The following MAP3K15 variants were observed in gnomAD, a reference collection of about 807,000 sequenced individuals.
MAP3K15 encodes the protein mitogen-activated protein kinase kinase kinase 15.
In MAP3K15, 124 loss-of-function variants were observed where a neutral mutation model predicts 99.5. The observed-to-expected ratio is 1.25, with a 90% CI of 1.08 to 1.45. MAP3K15 has a LOEUF of 1.45. Among genes scored for constraint, MAP3K15 ranks in the 40% most tolerant of loss-of-function variants. The pLI, the probability that MAP3K15 is intolerant of heterozygous loss-of-function variation, is 0.00. For missense variants in MAP3K15, 1,242 were observed against 1,079.7 expected, an observed-to-expected ratio of 1.15 and a Z score of -2.11; for synonymous variants, 494 against 439.6, an observed-to-expected ratio of 1.12 and a Z score of -1.55.
intron 9 of MAP3K15, among the ~76,000 whole-genome samples, chrX:19,422,417 GAC>G (rs1291277981): frequency 1.8e-5 from 2 of 111,789 alleles, no homozygotes; most frequent in African/African-American, 6.5e-5. Context: ...GCAGCCAAAA[GAC>G]ACATGAAAAA....
chrX:19,469,163 C>G, intron 3 of MAP3K15, among the ~76,000 whole-genome samples: 1 of 111,499 alleles, frequency 9.0e-6, no homozygotes, highest in Non-Finnish European at 1.9e-5. Flanking sequence ...TACAAGGCTA[C>G]GGTAACCAAA....
chrX:19,362,595 T>A, intron 26 of MAP3K15, 143 bp downstream of exon 26: 5 of 437,285 alleles, frequency 1.1e-5, no homozygotes, highest in Non-Finnish European at 1.6e-5. Context: ...GTTGAATCTA[T>A]CAGTAGTCCC....
At chrX:19,414,470 A>T (rs1399562847) in intron 10 of MAP3K15, 1 of 139,304 alleles carries the variant, frequency 7.2e-6, no homozygotes, top group Non-Finnish European at 1.3e-5. Flanking sequence ...TAAATATGGA[A>T]CACAATTATC....
At chrX:19,369,310 C>T (rs2063358005) in intron 24 of MAP3K15, 91 bp from the exon 25 acceptor site, 14 of 1,022,546 alleles carry the variant, frequency 1.4e-5, no homozygotes, top group Admixed American at 2.3e-5. Flanking sequence ...CCGGGCTGTT[C>T]AGAAGCTGGC....
At chrX:19,428,385 C>G (rs964152950) in intron 7 of MAP3K15, among the ~76,000 whole-genome samples, 4 of 111,925 alleles carry the variant, frequency 3.6e-5, no homozygotes, top group Non-Finnish European at 7.5e-5. Context: ...AGTGGGAACA[C>G]AGTTTTCTGT....
intron 3 of MAP3K15, among the ~76,000 whole-genome samples, chrX:19,470,385 A>G (rs1038301667): frequency 2.7e-5 from 3 of 110,297 alleles, no homozygotes; most frequent in Non-Finnish European, 5.7e-5. Flanking sequence ...GGAACATCAC[A>G]CACCGGAGAA....
At chrX:19,447,840 C>T (rs1336193988) in intron 6 of MAP3K15, among the ~76,000 whole-genome samples, 3 of 80,366 alleles carry the variant, frequency 3.7e-5, no homozygotes, top group Non-Finnish European at 4.9e-5. Flanking sequence ...GCCGAGATCC[C>T]GCCACTGCAC....
At chrX:19,396,983 T>A (rs2063572003) in intron 15 of MAP3K15, among the ~76,000 whole-genome samples, 1 of 108,366 alleles carries the variant, frequency 9.2e-6, no homozygotes, top group African/African-American at 3.4e-5. Flanking sequence ...CACTGTAGCC[T>A]CTGCCTCCGG....
intron 6 of MAP3K15, among the ~76,000 whole-genome samples, chrX:19,433,926 C>T (rs1275522628): frequency 9.0e-6 from 1 of 111,102 alleles, no homozygotes; most frequent in East Asian, 2.8e-4. Context: ...TTTGCAACAA[C>T]CAGACTACAG....
rs760488691 is a variant in MAP3K15 at position 19,464,289 on chromosome X, T to C, written c.643A>G (p.Asn215Asp). ...ASEYMQPNWD[N>D]ILGPLCMPLV... Reference sequence around the variant, plus strand: ...GGCATGCACAGCGGGCCCAGGATGTTGTCCCAGTTGGGCTGCATGTACTCG... The same window carrying C: ...GGCATGCACAGCGGGCCCAGGATGTCGTCCCAGTTGGGCTGCATGTACTCG... Residue 215 changes from asparagine to aspartate, a missense_variant, in exon 4 of 29, where the codon AAC becomes GAC. By Grantham distance (23) the Asn-to-Asp change is conservative. Transcript: ENST00000338883. The C allele has an allele frequency of 1.7e-6, 2 of 1,200,283 alleles. No homozygotes were observed. Among genetic ancestry groups the C allele is most frequent in the East Asian group, 3.0e-5 (1 of 33,848 alleles).
intron 6 of MAP3K15, among the ~76,000 whole-genome samples, chrX:19,434,490 G>A (rs1415066610): frequency 9.2e-6 from 1 of 109,103 alleles, no homozygotes; most frequent in African/African-American, 3.3e-5. Context: ...CACCCGCCTC[G>A]GCCTCCCAAA....
chrX:19,373,151 G>A, intron 21 of MAP3K15: 2 of 209,290 alleles, frequency 9.6e-6, no homozygotes, highest in Non-Finnish European at 1.7e-5. Context: ...GGAAGAGAGA[G>A]GAAGGAAAAG....
intron 12 of MAP3K15, among the ~76,000 whole-genome samples, chrX:19,408,220 G>A (rs759139560): frequency 8.9e-5 from 10 of 111,944 alleles, no homozygotes; most frequent in African/African-American, 2.3e-4. Context: ...GGGGTGGGGC[G>A]AGGATGATAC....
intron 6 of MAP3K15, among the ~76,000 whole-genome samples, chrX:19,439,361 C>T (rs767929472): frequency 2.7e-5 from 3 of 111,925 alleles, no homozygotes; most frequent in South Asian, 7.4e-4. Context: ...AATATGAGAA[C>T]GGCCTAACAC....
chrX:19,385,867 T>C (rs769710966), intron 18 of MAP3K15, among the ~76,000 whole-genome samples: 1 of 111,887 alleles, frequency 8.9e-6, no homozygotes, highest in Non-Finnish European at 1.9e-5. Context: ...CAAAGCCATA[T>C]TGGAGCATCT....
intron 18 of MAP3K15, among the ~76,000 whole-genome samples, chrX:19,389,121 G>A (rs2063510192): frequency 9.0e-6 from 1 of 110,691 alleles, no homozygotes; most frequent in South Asian, 3.8e-4. Flanking sequence ...AAGCAGATGA[G>A]TGATGAGCTG....
chrX:19,425,385 G>A, intron 9 of MAP3K15, 146 bp downstream of exon 9: 5 of 488,301 alleles, frequency 1.0e-5, no homozygotes, highest in Non-Finnish European at 1.3e-5. Flanking sequence ...TCACATAAAA[G>A]CAAGGGAATT....
chrX:19,485,376 G>C (rs1329303798), intron 3 of MAP3K15, among the ~76,000 whole-genome samples: 1 of 88,253 alleles, frequency 1.1e-5, no homozygotes, highest in African/African-American at 4.3e-5. Flanking sequence ...ACTCTTACAA[G>C]TGGACAACAT....
Position 19,395,170 on chromosome X carries a change from T to C in MAP3K15, c.2105A>G (p.Lys702Arg), listed in dbSNP as rs1455893941. 3 of 1,206,902 alleles carry C rather than the reference T, an allele frequency of 2.5e-6. No individual in the cohort carries two copies. Among genetic ancestry groups the C allele is most frequent in the Non-Finnish European group, 3.4e-6 (3 of 893,641 alleles). ...QPLHEEIALH[K>R]YLKHRNIVQY... ...AACGATATTGCGGTGCTTAAGGTAC[T>C]TGTGCAGGGCTATCTCCTCGTGCAG... The change falls in exon 16 of 29, where the codon AAG becomes AGG. Residue 702 changes from lysine (K) to arginine (R), a missense_variant. Coordinates refer to ENST00000338883, the MANE Select transcript of MAP3K15 (RefSeq NM_001001671.4).
Sources: allele counts gnomAD v4.1 joint callset (sites outside exome capture counted in the v4.1 genomes callset), GRCh38; gene constraint gnomAD v4.1.1; transcripts MANE v1.5; gene names NCBI Gene and HGNC (gene_info 2026-07-23, HGNC 2026-07-21).